SNX29: variants seen among roughly 807,000 people sequenced by gnomAD.
SNX29 encodes the protein sorting nexin-29.
In SNX29, 78 loss-of-function variants were observed where a neutral mutation model predicts 102.1. That is an observed-to-expected ratio of 0.76 (90% CI 0.64 to 0.92). The LOEUF is 0.92. SNX29 is among the 40% of genes least tolerant of loss of function. The pLI, the probability that SNX29 is intolerant of heterozygous loss-of-function variation, is 0.00. For synonymous variants in SNX29, 580 were observed against 414.5 expected (o/e 1.40, Z -4.85); for missense variants, 1,280 against 1,061.7 (o/e 1.21, Z -2.86).
intron 15 of SNX29, among the ~76,000 whole-genome samples, chr16:12,278,624 C>G: frequency 6.6e-6 from 1 of 152,064 alleles, no homozygotes; most frequent in East Asian, 1.9e-4. Flanking sequence ...TTTATATTTC[C>G]TGAGAGGGTT....
At chr16:12,428,946 CT>C (rs2151619318) in intron 18 of SNX29, among the ~76,000 whole-genome samples, 1 of 152,182 alleles carries the variant, frequency 6.6e-6, no homozygotes, top group Admixed American at 6.5e-5. Context: ...CTAATATCTC[CT>C]AGTTAATTAC....
chr16:12,458,441 G>A (rs1054902934), intron 18 of SNX29, among the ~76,000 whole-genome samples: 3 of 152,190 alleles, frequency 2.0e-5, no homozygotes, highest in East Asian at 1.9e-4. Context: ...GAGTGGTCTT[G>A]CTTCTGTGGC....
chr16:12,088,571 CT>C (rs1325725281), intron 11 of SNX29, among the ~76,000 whole-genome samples: 1 of 152,130 alleles, frequency 6.6e-6, no homozygotes, highest in Non-Finnish European at 1.5e-5. Context: ...GAGTGCTTTT[CT>C]TTTTGAAGAA....
intron 19 of SNX29, among the ~76,000 whole-genome samples, chr16:12,513,319 C>G (rs553890823): frequency 1.7e-4 from 25 of 144,988 alleles, no homozygotes; most frequent in African/African-American, 5.3e-4. Context: ...CCCCTTCTCT[C>G]CCTTCCCCTG....
intron 20 of SNX29, among the ~76,000 whole-genome samples, chr16:12,539,456 T>TA (rs1421734233): frequency 2.0e-5 from 3 of 152,238 alleles, no homozygotes; most frequent in Non-Finnish European, 4.4e-5. Context: ...AGAGTTTGGT[T>TA]AAATGGATAT....
chr16:12,476,736 G>A (rs1161430652), intron 18 of SNX29, among the ~76,000 whole-genome samples: 1 of 151,896 alleles, frequency 6.6e-6, no homozygotes, highest in Non-Finnish European at 1.5e-5. Context: ...CCTTCCTCCT[G>A]TTCACAGAAT....
At chr16:12,070,517 T>A (rs1304385856) in intron 10 of SNX29, among the ~76,000 whole-genome samples, 1 of 152,000 alleles carries the variant, frequency 6.6e-6, no homozygotes, top group African/African-American at 2.4e-5. Flanking sequence ...TCATCATTTT[T>A]TATGGCTGCA....
At chr16:12,398,310 C>T in intron 16 of SNX29, 136 bp from the exon 17 acceptor site, 1 of 929,702 alleles carries the variant, frequency 1.1e-6, no homozygotes, top group South Asian at 1.5e-5. Context: ...TACCGTTTTC[C>T]AGTGACTGCT....
intron 13 of SNX29, among the ~76,000 whole-genome samples, chr16:12,196,880 C>T (rs1222812942): frequency 2.6e-5 from 4 of 152,194 alleles, no homozygotes; most frequent in African/African-American, 9.6e-5. Flanking sequence ...CTCAGCCTCC[C>T]AGCGTGCTGG....
intron 16 of SNX29, among the ~76,000 whole-genome samples, chr16:12,379,542 T>G (rs370819681): frequency 1.1e-4 from 16 of 152,352 alleles, no homozygotes; most frequent in African/African-American, 3.8e-4. Context: ...TTTAGCCACT[T>G]TGACTCAGTT....
chr16:12,507,165 T>G (rs1471024025), intron 19 of SNX29, among the ~76,000 whole-genome samples: 1 of 152,244 alleles, frequency 6.6e-6, no homozygotes, highest in Non-Finnish European at 1.5e-5. Flanking sequence ...TTTCTGAGGC[T>G]GTAGACCTGG....
chr16:12,244,564 C>A (rs187697474), intron 14 of SNX29, among the ~76,000 whole-genome samples: 47 of 152,024 alleles, frequency 3.1e-4, no homozygotes, highest in African/African-American at 8.0e-4. Flanking sequence ...GAGCCGAGAT[C>A]ATGCCATTGC....
intron 18 of SNX29, among the ~76,000 whole-genome samples, chr16:12,476,047 G>A (rs1225243341): frequency 2.6e-5 from 4 of 152,058 alleles, no homozygotes; most frequent in African/African-American, 9.7e-5. Context: ...ACAGCCAGGC[G>A]TGGTGGGTCA....
At chr16:12,526,017 G>T (rs1401241747) in intron 20 of SNX29, among the ~76,000 whole-genome samples, 2 of 152,110 alleles carry the variant, frequency 1.3e-5, no homozygotes, top group Non-Finnish European at 1.5e-5. Context: ...GGTTTTTATG[G>T]TCTTCAGATG....
At chr16:12,317,050 T>G (rs983432428) in intron 15 of SNX29, among the ~76,000 whole-genome samples, 2 of 152,254 alleles carry the variant, frequency 1.3e-5, no homozygotes, top group African/African-American at 4.8e-5. Context: ...TTTTCCAGTT[T>G]GCCTCCTACC....
intron 13 of SNX29, among the ~76,000 whole-genome samples, chr16:12,137,343 T>TC (rs1217984631): frequency 1.3e-5 from 2 of 152,212 alleles, no homozygotes; most frequent in Non-Finnish European, 2.9e-5. Context: ...TGTCCAAGCC[T>TC]CCCCTGCAGT....
rs147171033 is a variant in SNX29, at chr16:12,145,568, A to G, written c.1595+15810A>G. 5.8e-3 allele frequency among the ~76,000 whole-genome samples: 881 copies of G among 152,322 alleles called. 8 individuals carry two copies. The highest frequency in any genetic ancestry group is 0.02 in the African/African-American group (840 of 41,564). Reference sequence around the variant, plus strand: ...AAGTCCGGGAATACCAGAAAAGTTTAAAGAGGAAAATCACCTGAACACAAT... The same window carrying G: ...AAGTCCGGGAATACCAGAAAAGTTTGAAGAGGAAAATCACCTGAACACAAT... On this transcript the variant is annotated intron_variant, in intron 13 of 20. Transcript: ENST00000566228.
chr16:12,337,070 T>C (rs2081473756), intron 15 of SNX29, among the ~76,000 whole-genome samples: 1 of 152,102 alleles, frequency 6.6e-6, no homozygotes, highest in Admixed American at 6.5e-5. Context: ...ATCTTAACCA[T>C]CTTGGGCAGC....
intron 18 of SNX29, among the ~76,000 whole-genome samples, chr16:12,422,735 C>T (rs917256705): frequency 5.9e-5 from 9 of 152,202 alleles, no homozygotes; most frequent in Admixed American, 1.3e-4. Flanking sequence ...ACACACCTCT[C>T]TCTCCCAGCC....
Sources: allele counts gnomAD v4.1 joint callset (sites outside exome capture counted in the v4.1 genomes callset), GRCh38; gene constraint gnomAD v4.1.1; transcripts MANE v1.5; gene names NCBI Gene and HGNC (gene_info 2026-07-23, HGNC 2026-07-21).